The following SPOCK3 variants were observed in gnomAD, a reference collection of about 807,000 sequenced individuals.
The protein encoded by SPOCK3 is SPARC (osteonectin), cwcv and kazal like domains proteoglycan 3, also known as testican-3.
A neutral mutation model predicts 56.6 loss-of-function variants in SPOCK3; 30 were observed. The observed-to-expected ratio is 0.53, with a 90% CI of 0.40 to 0.72. The LOEUF (loss-of-function observed/expected upper bound fraction) is 0.72. SPOCK3 is among the 30% of genes least tolerant of loss of function. The probability of loss-of-function intolerance (pLI) is 0.00; values close to 1 mark genes in which losing one functional copy is unlikely to be tolerated. For missense variants in SPOCK3, 527 were observed against 530.0 expected (o/e 0.99, Z 0.06); for synonymous variants, 196 against 183.3 (o/e 1.07, Z -0.56).
chr4:166,826,960 C>T (rs960075363), intron 6 of SPOCK3, among the ~76,000 whole-genome samples: 1 of 151,772 alleles, frequency 6.6e-6, no homozygotes, highest in African/African-American at 2.4e-5. Flanking sequence ...TAATTAGAGA[C>T]CTTCTTAAAA....
At chr4:166,751,578 C>T (rs1736379911) in intron 8 of SPOCK3, among the ~76,000 whole-genome samples, 1 of 152,058 alleles carries the variant, frequency 6.6e-6, no homozygotes, top group South Asian at 2.1e-4. Flanking sequence ...TATGAATAAA[C>T]TTCAGTCCTT....
intron 2 of SPOCK3, among the ~76,000 whole-genome samples, chr4:167,211,730 CTTTCT>C (rs950203704): frequency 2.6e-5 from 4 of 152,144 alleles, no homozygotes; most frequent in African/African-American, 9.7e-5. Context: ...CATTAAACCT[CTTTCT>C]TTTGTTAATT....
chr4:166,767,095 C>T (rs1248601986), intron 7 of SPOCK3, among the ~76,000 whole-genome samples: 2 of 152,048 alleles, frequency 1.3e-5, no homozygotes, highest in South Asian at 2.1e-4. Context: ...CTTTATTACT[C>T]TGGCTAGCAG....
At chr4:167,170,450 AATG>A (rs1730404052) in intron 2 of SPOCK3, among the ~76,000 whole-genome samples, 1 of 152,198 alleles carries the variant, frequency 6.6e-6, no homozygotes, top group Non-Finnish European at 1.5e-5. Flanking sequence ...AAGCAGAGAT[AATG>A]ATGAGAGCTA....
intron 6 of SPOCK3, among the ~76,000 whole-genome samples, chr4:166,879,912 C>T (rs1320571940): frequency 6.6e-6 from 1 of 152,106 alleles, no homozygotes; most frequent in Non-Finnish European, 1.5e-5. Context: ...CTCTCTCTGC[C>T]TCCTGTTCTG....
chr4:166,889,232 A>G lies in SPOCK3; in HGVS notation c.487T>C (p.Tyr163His). Residue 163 changes from tyrosine (Y) to histidine (H), a missense_variant, in exon 6 of 11, where the codon TAT becomes CAT. Coordinates refer to ENST00000357545, the MANE Select transcript of SPOCK3 (RefSeq NM_001040159.2). ...HTYSFQCKLEYQACVLGKQIS... is the reference protein window; with the variant it reads ...HTYSFQCKLEHQACVLGKQIS... ...TGTTTTCCTAAGACACATGCCTGAT[A>G]TTCTAGTTTGCACTGTATAAAAAGA... 1.2e-6 allele frequency: 2 copies of G among 1,606,046 alleles called. No homozygotes were observed. Among genetic ancestry groups the G allele is most frequent in the Non-Finnish European group, 1.7e-6 (2 of 1,173,176 alleles).
intron 6 of SPOCK3, among the ~76,000 whole-genome samples, chr4:166,844,254 A>T (rs2126845740): frequency 6.6e-6 from 1 of 152,276 alleles, no homozygotes; most frequent in East Asian, 1.9e-4. Flanking sequence ...TATATTAACC[A>T]CTTTTCCCCC....
At chr4:166,765,438 A>T (rs1001133975) in intron 7 of SPOCK3, among the ~76,000 whole-genome samples, 3 of 152,062 alleles carry the variant, frequency 2.0e-5, no homozygotes, top group African/African-American at 7.2e-5. Flanking sequence ...ATTTATTAAA[A>T]AGGGAATCCT....
At chr4:166,951,732 C>A (rs749136936) in intron 4 of SPOCK3, among the ~76,000 whole-genome samples, 6 of 143,410 alleles carry the variant, frequency 4.2e-5, no homozygotes, top group Non-Finnish European at 9.0e-5. Flanking sequence ...AGCTTATCCA[C>A]CATGATCAAG....
At chr4:167,093,463 C>T (rs1487612547) in intron 2 of SPOCK3, among the ~76,000 whole-genome samples, 3 of 152,054 alleles carry the variant, frequency 2.0e-5, no homozygotes, top group African/African-American at 7.2e-5. Flanking sequence ...CCCTGACAGG[C>T]CCCGGTGCAT....
At chr4:166,916,641 G>T (rs1375279175) in intron 4 of SPOCK3, among the ~76,000 whole-genome samples, 2 of 150,886 alleles carry the variant, frequency 1.3e-5, no homozygotes, top group African/African-American at 4.8e-5. Flanking sequence ...TACCAAAATG[G>T]TTAGCAAAAA....
In SPOCK3 at chr4:167,217,854, T is replaced by A. The variant is rs1327932723; in HGVS notation, c.189+16131A>T. 2.6e-5 allele frequency among the ~76,000 whole-genome samples: 4 copies of A among 151,678 alleles called. No individual in the cohort carries two copies. The East Asian group carries it at 7.7e-4, about 29-fold the overall frequency. ...AATATTGCAACATTGCTATAAAAAT[T>A]ACTATGGATTTTTTATTAGGCCATC... On this transcript the variant is annotated intron_variant, in intron 2 of 10. Transcript: ENST00000357545.
intron 5 of SPOCK3, among the ~76,000 whole-genome samples, chr4:166,890,867 A>G (rs1043173971): frequency 1.3e-5 from 2 of 151,952 alleles, no homozygotes; most frequent in African/African-American, 4.8e-5. Context: ...AAAGTCTCCC[A>G]TTATTATTGT....
chr4:166,946,731 G>C (rs1741804629), intron 4 of SPOCK3, among the ~76,000 whole-genome samples: 1 of 152,160 alleles, frequency 6.6e-6, no homozygotes, highest in South Asian at 2.1e-4. Context: ...GTTACTTTGT[G>C]AATACTTGTT....
chr4:166,992,004 A>C (rs1289856944), intron 4 of SPOCK3, among the ~76,000 whole-genome samples: 1 of 152,228 alleles, frequency 6.6e-6, no homozygotes, highest in Admixed American at 6.5e-5. Context: ...GTATTAAGTT[A>C]AGTAAATTAT....
intron 4 of SPOCK3, among the ~76,000 whole-genome samples, chr4:166,998,132 A>T (rs1196507786): frequency 6.6e-6 from 1 of 152,198 alleles, no homozygotes; most frequent in East Asian, 1.9e-4. Flanking sequence ...TCAAATATTA[A>T]TCTTAAAATC....
At chr4:166,910,229 A>G (rs941177491) in intron 5 of SPOCK3, among the ~76,000 whole-genome samples, 5 of 152,276 alleles carry the variant, frequency 3.3e-5, no homozygotes, top group Admixed American at 3.3e-4. Context: ...TAACAGAAAT[A>G]AAAATGATGA....
At chr4:167,116,642 A>ATATATATACACGTATATACTATATACG (rs1761392179) in intron 2 of SPOCK3, among the ~76,000 whole-genome samples, 3 of 109,622 alleles carry the variant, frequency 2.7e-5, no homozygotes, top group African/African-American at 1.1e-4. Context: ...CTATATACGT[A>ATATATATACACGTATATACTATATACG]TATATATACA....
intron 4 of SPOCK3, among the ~76,000 whole-genome samples, chr4:166,999,968 T>C (rs1748783020): frequency 6.6e-6 from 1 of 152,146 alleles, no homozygotes; most frequent in Admixed American, 6.6e-5. Flanking sequence ...AATCATTTTC[T>C]CTCCTCTAAC....
Sources: allele counts gnomAD v4.1 joint callset (sites outside exome capture counted in the v4.1 genomes callset), GRCh38; gene constraint gnomAD v4.1.1; transcripts MANE v1.5; gene names NCBI Gene and HGNC (gene_info 2026-07-23, HGNC 2026-07-21).